The following RARB variants were observed in gnomAD, a reference collection of about 807,000 sequenced individuals.
The protein encoded by RARB is HBV-activated protein.
In RARB, 17 loss-of-function variants were observed where a neutral mutation model predicts 51.9. The ratio of observed to expected loss-of-function variants is 0.33; its 90% CI spans 0.22 to 0.49. The LOEUF (loss-of-function observed/expected upper bound fraction) is 0.49, where lower values mean the gene tolerates loss of function less well. Ranked by LOEUF, RARB falls within the 20% of genes least tolerant of loss-of-function variation. The pLI, the probability that RARB is intolerant of heterozygous loss-of-function variation, is 0.99. For synonymous variants in RARB, 215 were observed against 195.4 expected (o/e 1.10, Z -0.84); for missense variants, 369 against 550.8 (o/e 0.67, Z 3.30).
At chr3:25,149,174 G>T in intron 4 of RARB, among the ~76,000 whole-genome samples, 1 of 152,148 alleles carries the variant, frequency 6.6e-6, no homozygotes, top group East Asian at 1.9e-4. Context: ...TTGGGGAGGA[G>T]AGGGAATGAT....
At chr3:25,356,354 T>C (rs2125460633) in intron 5 of RARB, among the ~76,000 whole-genome samples, 1 of 152,282 alleles carries the variant, frequency 6.6e-6, no homozygotes, top group African/African-American at 2.4e-5. Flanking sequence ...TGACATTTTC[T>C]AAGTTTTATT....
chr3:25,279,599 T>C (rs546122204), intron 5 of RARB, among the ~76,000 whole-genome samples: 1 of 150,676 alleles, frequency 6.6e-6, no homozygotes, highest in East Asian at 2.0e-4. Context: ...AAAAGTTAAA[T>C]GTTTTTCTCT....
At chr3:25,013,018 G>T (rs901792507) in intron 2 of RARB, among the ~76,000 whole-genome samples, 1 of 152,064 alleles carries the variant, frequency 6.6e-6, no homozygotes, top group Non-Finnish European at 1.5e-5. Flanking sequence ...TGGAGAAAGG[G>T]TAGATGCACA....
At chr3:25,525,185 G>A (rs910395589) in intron 3 of RARB, among the ~76,000 whole-genome samples, 3 of 152,130 alleles carry the variant, frequency 2.0e-5, no homozygotes, top group Non-Finnish European at 2.9e-5. Context: ...AATAGATGAG[G>A]GGAAAATAGA....
chr3:24,853,271 C>G (rs1416929747), intron 1 of RARB, among the ~76,000 whole-genome samples: 5 of 151,948 alleles, frequency 3.3e-5, no homozygotes, highest in Non-Finnish European at 7.4e-5. Context: ...GAGCCCAGAT[C>G]GCGCCACTGC....
At chr3:25,498,971 A>C (rs982448905) in intron 2 of RARB, among the ~76,000 whole-genome samples, 5 of 152,194 alleles carry the variant, frequency 3.3e-5, no homozygotes, top group African/African-American at 1.2e-4. Context: ...GATTCTAAGC[A>C]CATTTGTAGT....
Position 25,579,385 on chromosome 3 carries a change from G to A in RARB, c.610-1161G>A, listed in dbSNP as rs144774853. 2.6e-3 allele frequency among the ~76,000 whole-genome samples: 399 copies of A among 152,194 alleles called. 3 individuals carry two copies. The highest frequency in any genetic ancestry group is 4.2e-3 in the Non-Finnish European group (288 of 68,018). ...GTGGTCAGTCCCCACCTGCCTTCCC[G>A]CTCCTGGAAAACCACTGAACTGTTC... On this transcript the variant is annotated intron_variant, in intron 4 of 7. Coordinates refer to ENST00000330688, the MANE Select transcript of RARB (RefSeq NM_000965.5).
chr3:24,938,977 G>GTTT (rs1036719858), intron 2 of RARB, among the ~76,000 whole-genome samples: 1 of 109,892 alleles, frequency 9.1e-6, no homozygotes, highest in South Asian at 3.2e-4. Flanking sequence ...TGAACATTTA[G>GTTT]TTTTTTGTTG....
At chr3:24,933,642 G>A (rs1051449678) in intron 2 of RARB, among the ~76,000 whole-genome samples, 5 of 151,972 alleles carry the variant, frequency 3.3e-5, no homozygotes, top group Admixed American at 1.3e-4. Flanking sequence ...AGTTATTACA[G>A]CACTCAGAGA....
chr3:25,112,625 A>C (rs1274413903), intron 3 of RARB, among the ~76,000 whole-genome samples: 9 of 152,068 alleles, frequency 5.9e-5, no homozygotes, highest in Admixed American at 5.9e-4. Flanking sequence ...AATAATAAAA[A>C]AAATTAGTTG....
intron 5 of RARB, among the ~76,000 whole-genome samples, chr3:25,219,276 AT>A (rs750325323): frequency 2.0e-5 from 3 of 151,434 alleles, no homozygotes; most frequent in African/African-American, 7.3e-5. Flanking sequence ...AAAAAAAAAA[AT>A]ATGTATCCAT....
chr3:25,464,508 G>A (rs1695335809), intron 2 of RARB, among the ~76,000 whole-genome samples: 5 of 152,138 alleles, frequency 3.3e-5, no homozygotes, highest in African/African-American at 9.7e-5. Flanking sequence ...TTTTTATATT[G>A]TGGGTGGATT....
chr3:25,275,873 T>C (rs1703370125), intron 5 of RARB, among the ~76,000 whole-genome samples: 1 of 152,286 alleles, frequency 6.6e-6, no homozygotes, highest in African/African-American at 2.4e-5. Context: ...TGTATACATA[T>C]GTAACAAAGG....
chr3:24,855,571 G>T (rs1264899677), intron 1 of RARB, among the ~76,000 whole-genome samples: 2 of 151,976 alleles, frequency 1.3e-5, no homozygotes, highest in African/African-American at 4.8e-5. Context: ...TTTTGAGAGG[G>T]AATATAGTAC....
At chr3:25,334,159 C>G (rs961813455) in intron 5 of RARB, among the ~76,000 whole-genome samples, 3 of 152,106 alleles carry the variant, frequency 2.0e-5, no homozygotes, top group East Asian at 1.9e-4. Flanking sequence ...ACCATTTGAC[C>G]CAGTCATCCT....
intron 5 of RARB, among the ~76,000 whole-genome samples, chr3:25,227,981 T>C (rs998974275): frequency 1.3e-5 from 2 of 152,032 alleles, no homozygotes; most frequent in Non-Finnish European, 2.9e-5. Flanking sequence ...CTTTTGGGAG[T>C]CAATGTCGCT....
At chr3:25,184,286 T>G (rs1320624453) in intron 5 of RARB, among the ~76,000 whole-genome samples, 1 of 152,024 alleles carries the variant, frequency 6.6e-6, no homozygotes, top group Non-Finnish European at 1.5e-5. Flanking sequence ...CAGACAAAAT[T>G]AAAAAAATAG....
chr3:25,582,063 A>C (rs895835165), intron 5 of RARB, among the ~76,000 whole-genome samples: 2 of 152,142 alleles, frequency 1.3e-5, no homozygotes, highest in Non-Finnish European at 2.9e-5. Context: ...AGGATGTAAA[A>C]GAGGATATGA....
At chr3:25,444,320 G>C (rs6799734) in intron 1 of RARB, among the ~76,000 whole-genome samples, 71,393 of 152,052 alleles carry the variant, frequency 0.47, 17,899 homozygotes, top group African/African-American at 0.66. Context: ...TTTCTATTTT[G>C]TTTGCAGGGA....
Sources: allele counts gnomAD v4.1 joint callset (sites outside exome capture counted in the v4.1 genomes callset), GRCh38; gene constraint gnomAD v4.1.1; transcripts MANE v1.5; gene names NCBI Gene and HGNC (gene_info 2026-07-23, HGNC 2026-07-21).